The following GPR39 variants were observed in gnomAD, a reference collection of about 807,000 sequenced individuals.
GPR39 encodes G protein-coupled receptor 39, also known as zinc sensing receptor.
Under a neutral mutation model 18.4 loss-of-function variants are expected in GPR39, and 23 were observed. The observed-to-expected ratio is 1.25, with a 90% CI of 0.90 to 1.77. The LOEUF (loss-of-function observed/expected upper bound fraction) is 1.77, where lower values mean the gene tolerates loss of function less well. Among genes scored for constraint, GPR39 ranks in the 40% most tolerant of loss-of-function variants. GPR39 has a pLI of 0.00. For synonymous variants in GPR39, 280 were observed against 257.9 expected, an observed-to-expected ratio of 1.09 and a Z score of -0.82; for missense variants, 647 against 602.4, an observed-to-expected ratio of 1.07 and a Z score of -0.78.
chr2:132,449,680 C>T (rs1010980625), intron 1 of GPR39, among the ~76,000 whole-genome samples: 1 of 152,134 alleles, frequency 6.6e-6, no homozygotes, highest in Non-Finnish European at 1.5e-5. Flanking sequence ...ATCTTTGTTC[C>T]TCAGTTGAAC....
intron 1 of GPR39, among the ~76,000 whole-genome samples, chr2:132,454,012 G>T (rs187519341): frequency 6.6e-6 from 1 of 152,240 alleles, no homozygotes; most frequent in East Asian, 1.9e-4. Context: ...TTCCAATTCT[G>T]TGAAGAAAGT....
At chr2:132,425,491 T>C (rs1680101089) in intron 1 of GPR39, among the ~76,000 whole-genome samples, 1 of 152,176 alleles carries the variant, frequency 6.6e-6, no homozygotes. Context: ...GGCTCTACCT[T>C]CCTTTCCTTC....
At chr2:132,436,311 C>T (rs1680318485) in intron 1 of GPR39, among the ~76,000 whole-genome samples, 1 of 152,144 alleles carries the variant, frequency 6.6e-6, no homozygotes. Flanking sequence ...TCATCAAGCT[C>T]AGCTTTATTT....
At chr2:132,620,862 C>G (rs1558861576) in intron 1 of GPR39, among the ~76,000 whole-genome samples, 2 of 152,194 alleles carry the variant, frequency 1.3e-5, no homozygotes, top group Non-Finnish European at 2.9e-5. Flanking sequence ...ACGCCATTCT[C>G]CTGCCTCAGC....
chr2:132,452,811 TC>T (rs888902269), intron 1 of GPR39, among the ~76,000 whole-genome samples: 93 of 106,978 alleles, frequency 8.7e-4, no homozygotes, highest in African/African-American at 2.5e-3. Context: ...ATGAACTCAT[TC>T]TTTTTTTATG....
At position 132,463,354 on chromosome 2, in the gene GPR39, C is replaced by T. The variant is rs1391438482; in HGVS notation, c.856+45456C>T. 2.7e-5 allele frequency among the ~76,000 whole-genome samples: 4 copies of T among 149,058 alleles called. No homozygotes were observed. In the East Asian group the frequency reaches 5.8e-4, roughly 22 times the overall value. ...GGGGTGGTGTGAGGTCTTTGGAGGG[C>T]AACAACCTCTGTTCTCTTGCTTGGT... On this transcript the variant is annotated intron_variant, in intron 1 of 1. Transcript: ENST00000329321.
rs559249596 is a variant in GPR39, at chr2:132,441,851, C to A, written c.856+23953C>A. ...CTGAAAGTCACAAAATACCTTAATC[C>A]GCTCTTCACGCAGAGGGGAGATCTT... is the stretch of plus-strand genomic sequence containing the variant. On this transcript the variant is annotated intron_variant, in intron 1 of 1. Transcript: ENST00000329321. 6.6e-5 allele frequency among the ~76,000 whole-genome samples: 10 copies of A among 152,282 alleles called. No homozygotes were observed. In the South Asian group the frequency reaches 2.1e-3, roughly 32 times the overall value.
At chr2:132,433,701 C>T (rs891970103) in intron 1 of GPR39, 1 of 149,832 alleles carries the variant, frequency 6.7e-6, no homozygotes, top group Admixed American at 6.6e-5. Context: ...TTCATGAAGC[C>T]GTCACTTGCA....
At chr2:132,543,890 A>T (rs1558833858) in intron 1 of GPR39, among the ~76,000 whole-genome samples, 1 of 152,222 alleles carries the variant, frequency 6.6e-6, no homozygotes, top group Non-Finnish European at 1.5e-5. Context: ...CATGCAAGCA[A>T]GGGCTTTTCA....
intron 1 of GPR39, among the ~76,000 whole-genome samples, chr2:132,520,661 A>G (rs978810163): frequency 6.6e-6 from 1 of 152,230 alleles, no homozygotes; most frequent in Non-Finnish European, 1.5e-5. Flanking sequence ...GTTCAGTTAG[A>G]TGAGGTCTTG....
intron 1 of GPR39, among the ~76,000 whole-genome samples, chr2:132,536,747 G>A (rs146415679): frequency 6.6e-6 from 1 of 152,286 alleles, no homozygotes; most frequent in East Asian, 1.9e-4. Context: ...GAATCTGGGT[G>A]CTCCTGTATT....
At chr2:132,474,867 T>C (rs765644694) in intron 1 of GPR39, among the ~76,000 whole-genome samples, 3 of 152,206 alleles carry the variant, frequency 2.0e-5, no homozygotes, top group Non-Finnish European at 4.4e-5. Flanking sequence ...ATGATTCTTG[T>C]GCCCCCTTGA....
intron 1 of GPR39, among the ~76,000 whole-genome samples, chr2:132,641,063 G>A (rs551012670): frequency 4.6e-5 from 7 of 152,250 alleles, no homozygotes; most frequent in Admixed American, 1.3e-4. Context: ...GAAGAAAAGC[G>A]CCAGCCATTT....
intron 1 of GPR39, among the ~76,000 whole-genome samples, chr2:132,551,553 G>A (rs972480462): frequency 3.3e-5 from 5 of 152,164 alleles, no homozygotes; most frequent in African/African-American, 7.2e-5. Flanking sequence ...GCAAGGATGG[G>A]CAGTGGAAGG....
chr2:132,635,115 T>C (rs1681726224), intron 1 of GPR39, among the ~76,000 whole-genome samples: 1 of 152,136 alleles, frequency 6.6e-6, no homozygotes, highest in Admixed American at 6.5e-5. Flanking sequence ...TTCCTCTAAG[T>C]ACAGAGATGG....
intron 1 of GPR39, among the ~76,000 whole-genome samples, chr2:132,435,896 C>T (rs1256780646): frequency 1.3e-5 from 2 of 152,154 alleles, no homozygotes; most frequent in East Asian, 3.8e-4. Flanking sequence ...GATGCATGGA[C>T]ATTTGCTTTT....
At chr2:132,555,867 G>A (rs373632001) in intron 1 of GPR39, among the ~76,000 whole-genome samples, 93 of 152,280 alleles carry the variant, frequency 6.1e-4, no homozygotes, top group African/African-American at 2.2e-3. Flanking sequence ...GTGAAAGTGT[G>A]TTTGTTTTAC....
chr2:132,429,315 A>C (rs1680183960), intron 1 of GPR39, among the ~76,000 whole-genome samples: 1 of 152,246 alleles, frequency 6.6e-6, no homozygotes, highest in East Asian at 1.9e-4. Flanking sequence ...TCAGTGGGGG[A>C]ACTTGTTTTG....
chr2:132,474,236 CT>C (rs1681084621), intron 1 of GPR39, among the ~76,000 whole-genome samples: 2 of 152,220 alleles, frequency 1.3e-5, no homozygotes, highest in Non-Finnish European at 2.9e-5. Context: ...GGCATATTTT[CT>C]GCATATCTCT....
Sources: gnomAD v4.1 joint callset for allele counts (sites outside exome capture counted in the v4.1 genomes callset) on GRCh38, gnomAD v4.1.1 for gene constraint, MANE v1.5 for transcripts, NCBI Gene and HGNC (gene_info 2026-07-23, HGNC 2026-07-21) for gene names.